Variants in PCDH11Y observed in about 807,000 individuals in gnomAD.
PCDH11Y encodes protocadherin 11 Y-linked.
For missense variants in PCDH11Y, 12 were observed against 224.8 expected, an observed-to-expected ratio of 0.05 and a Z score of 6.05; for synonymous variants, 9 against 83.6, an observed-to-expected ratio of 0.11 and a Z score of 4.87.
At chrY:5,415,432 C>T (rs2053252175) in intron 2 of PCDH11Y, among the ~76,000 whole-genome samples, 26 of 32,978 alleles carry the variant, frequency 7.9e-4, no homozygotes, top group African/African-American at 3.1e-3. Flanking sequence ...GCCAGGGCCA[C>T]GATGCTGGAG....
chrY:5,336,742 T>C (rs2053138333), intron 2 of PCDH11Y, among the ~76,000 whole-genome samples: 1 of 31,735 alleles, frequency 3.2e-5, no homozygotes, highest in Non-Finnish European at 7.6e-5. Flanking sequence ...CATGCGCTAT[T>C]TGTGCAGAAG....
intron 2 of PCDH11Y, among the ~76,000 whole-genome samples, chrY:5,477,581 A>C: frequency 3.2e-5 from 1 of 31,607 alleles, no homozygotes; most frequent in Non-Finnish European, 7.7e-5. Flanking sequence ...TTTCAGAAGG[A>C]ATGGTAGTGG....
At chrY:5,156,090 C>A in intron 2 of PCDH11Y, among the ~76,000 whole-genome samples, 2 of 20,429 alleles carry the variant, frequency 9.8e-5, no homozygotes, top group Non-Finnish European at 2.2e-4. Flanking sequence ...AGGAAGAGAG[C>A]AGAGAGAACA....
chrY:5,387,377 CTTCCCTT>C (rs1315939575), intron 2 of PCDH11Y, among the ~76,000 whole-genome samples: 8 of 33,166 alleles, frequency 2.4e-4, no homozygotes, highest in Non-Finnish European at 5.2e-4. Context: ...ATGTAGTACT[CTTCCCTT>C]TTTCCTAAGG....
At chrY:5,736,776 A>G (rs2053609800) in intron 4 of PCDH11Y, among the ~76,000 whole-genome samples, 1 of 32,665 alleles carries the variant, frequency 3.1e-5, no homozygotes, top group African/African-American at 1.2e-4. Context: ...ACTATATTTT[A>G]TTCTTGAAAC....
At chrY:5,333,274 C>T in intron 2 of PCDH11Y, among the ~76,000 whole-genome samples, 2 of 33,426 alleles carry the variant, frequency 6.0e-5, no homozygotes, top group East Asian at 7.9e-4. Context: ...TATTCCTTTT[C>T]GTTTTGATAA....
intron 2 of PCDH11Y, among the ~76,000 whole-genome samples, chrY:5,446,929 C>T (rs2053288186): frequency 3.0e-5 from 1 of 33,371 alleles, no homozygotes; most frequent in African/African-American, 1.2e-4. Flanking sequence ...GTTGGAAATA[C>T]ACATTCTCAG....
chrY:5,129,478 C>CAGAG (rs60771778), intron 2 of PCDH11Y, among the ~76,000 whole-genome samples: 1,159 of 12,388 alleles, frequency 0.094, no homozygotes, highest in Middle Eastern at 0.29. Flanking sequence ...CACACACACA[C>CAGAG]AGAGAGAGAG....
At chrY:5,703,539 C>A in intron 4 of PCDH11Y, among the ~76,000 whole-genome samples, 12 of 33,178 alleles carry the variant, frequency 3.6e-4, no homozygotes, top group Non-Finnish European at 5.9e-4. Flanking sequence ...TAATTATGAA[C>A]AACTTTTTCC....
chrY:5,337,088 A>T (rs2124668265), intron 2 of PCDH11Y, among the ~76,000 whole-genome samples: 1 of 33,117 alleles, frequency 3.0e-5, no homozygotes, highest in South Asian at 6.8e-4. Context: ...TGACAATTTG[A>T]TATCATTGTG....
chrY:5,446,082 T>C, intron 2 of PCDH11Y, among the ~76,000 whole-genome samples: 1 of 33,400 alleles, frequency 3.0e-5, no homozygotes, highest in Non-Finnish European at 7.4e-5. Flanking sequence ...AATAACCCTA[T>C]TTTCCATCTT....
At chrY:5,478,855 CT>C (rs2053322678) in intron 2 of PCDH11Y, among the ~76,000 whole-genome samples, 24 of 29,268 alleles carry the variant, frequency 8.2e-4, no homozygotes, top group South Asian at 4.7e-3. Context: ...TGCTTTTTTT[CT>C]TTTTTTTTTC....
intron 2 of PCDH11Y, among the ~76,000 whole-genome samples, chrY:5,349,340 A>G (rs2053155521): frequency 3.0e-5 from 1 of 33,315 alleles, no homozygotes; most frequent in Non-Finnish European, 7.4e-5. Context: ...AACAATTAAT[A>G]TATTTGAACT....
At chrY:5,076,124 T>C in intron 1 of PCDH11Y, among the ~76,000 whole-genome samples, 1 of 33,917 alleles carries the variant, frequency 2.9e-5, no homozygotes, top group African/African-American at 1.1e-4. Context: ...TGAGATAATA[T>C]CTTATTGTAG....
chrY:5,065,984 C>T, intron 1 of PCDH11Y, among the ~76,000 whole-genome samples: 1 of 29,665 alleles, frequency 3.4e-5, no homozygotes, highest in Non-Finnish European at 7.9e-5. Flanking sequence ...ACAATCACGA[C>T]TGTTTTTTTT....
intron 2 of PCDH11Y, among the ~76,000 whole-genome samples, chrY:5,447,282 A>G: frequency 3.3e-5 from 1 of 29,975 alleles, no homozygotes; most frequent in Admixed American, 3.1e-4. Context: ...AAGTGACAAT[A>G]AGAACTTCAA....
chrY:5,004,790 C>T, intron 1 of PCDH11Y, among the ~76,000 whole-genome samples: 1 of 34,276 alleles, frequency 2.9e-5, no homozygotes, highest in Non-Finnish European at 7.3e-5. Context: ...TAGTCACCTA[C>T]TGTGCCAGAC....
At chrY:5,053,874 T>A, upstream of PCDH11Y, among the ~76,000 whole-genome samples, 7 of 28,237 alleles carry the variant, frequency 2.5e-4, no homozygotes, top group African/African-American at 1.0e-3. Flanking sequence ...ATGAGAACAC[T>A]TGGACACAGG....
At chrY:5,044,444 G>A in intron 3 of PCDH11Y, among the ~76,000 whole-genome samples, 1 of 33,398 alleles carries the variant, frequency 3.0e-5, no homozygotes, top group South Asian at 6.6e-4. Flanking sequence ...TTAATCCTGA[G>A]TTCCAGTTTG....
Sources: gnomAD v4.1 joint callset for allele counts (sites outside exome capture counted in the v4.1 genomes callset) on GRCh38, gnomAD v4.1.1 for gene constraint, MANE v1.5 for transcripts, NCBI Gene and HGNC (gene_info 2026-07-23, HGNC 2026-07-21) for gene names.